Variants in IKZF1 observed in about 807,000 individuals in gnomAD.
IKZF1 encodes the protein DNA-binding protein Ikaros.
A neutral mutation model predicts 51.7 loss-of-function variants in IKZF1; 10 were observed. The ratio of observed to expected loss-of-function variants is 0.19; its 90% CI spans 0.12 to 0.33. The LOEUF (loss-of-function observed/expected upper bound fraction) is 0.33, where lower values mean the gene tolerates loss of function less well. IKZF1 is among the 10% of genes least tolerant of loss of function. The pLI, the probability that IKZF1 is intolerant of heterozygous loss-of-function variation, is 1.00. For missense variants in IKZF1, 484 were observed against 707.5 expected, an observed-to-expected ratio of 0.68 and a Z score of 3.58; for synonymous variants, 280 against 282.3, an observed-to-expected ratio of 0.99 and a Z score of 0.08.
At position 50,339,215 on chromosome 7, in the gene IKZF1, TTGTGTGTGTGTGTGTGTG is replaced by T. The variant is rs1158908841; in HGVS notation, c.160+11484_160+11501del. ...AAAGGAGGAATTCTTTTGGGTAGGG[TTGTGTGTGTGTGTGTGTG>T]TGTGTGTGTGTGTGTGTGTGTGTGT... is the stretch of plus-strand genomic sequence containing the variant. On this transcript the variant is annotated intron_variant, in intron 3 of 7. Coordinates refer to ENST00000331340, the MANE Select transcript of IKZF1 (RefSeq NM_006060.6). 4.7e-5 allele frequency among the ~76,000 whole-genome samples: 6 copies of T among 126,480 alleles called. 1 individual carries two copies. Among genetic ancestry groups the T allele is most frequent in the African/African-American group, 1.5e-4 (5 of 32,912 alleles). 83.0% of individuals were successfully genotyped at this position (126,480 alleles called of 152,430 possible).
chr7:50,308,221 T>C (rs1008559844), intron 1 of IKZF1, among the ~76,000 whole-genome samples: 3 of 152,156 alleles, frequency 2.0e-5, no homozygotes, highest in African/African-American at 7.2e-5. Context: ...AGTGGCGAAG[T>C]GCGGGCCTGC....
intron 3 of IKZF1, among the ~76,000 whole-genome samples, chr7:50,341,344 C>T (rs1204023151): frequency 6.6e-6 from 1 of 151,948 alleles, no homozygotes; most frequent in East Asian, 1.9e-4. Flanking sequence ...GGTTTCACCA[C>T]GTTGACCAGG....
intron 2 of IKZF1, among the ~76,000 whole-genome samples, chr7:50,325,528 G>A (rs186467357): frequency 1.8e-4 from 28 of 152,166 alleles, no homozygotes; most frequent in East Asian, 1.7e-3. Context: ...TAATCCCAGC[G>A]CTTGGGAGGC....
rs567342252 is a variant in IKZF1 at position 50,382,778 on chromosome 7, C to T, written c.589+71C>T. The stretch of plus-strand genomic sequence containing the variant: ...TTCCTCCACTCTGCCCGCCTGGGTC[C>T]CGGATTGTGTCCTTGCTGGCTAACC... On this transcript the variant is annotated intron_variant, in intron 5 of 7. Coordinates refer to ENST00000331340, the MANE Select transcript of IKZF1 (RefSeq NM_006060.6). The T allele has an allele frequency of 1.7e-4, 253 of 1,503,552 alleles. 1 individual carries two copies. The African/African-American group carries it at 3.2e-3, about 19-fold the overall frequency. 93.1% of individuals were successfully genotyped at this position (1,503,552 alleles called of 1,614,324 possible).
At chr7:50,327,106 A>G (rs1226167364) in intron 2 of IKZF1, among the ~76,000 whole-genome samples, 2 of 152,312 alleles carry the variant, frequency 1.3e-5, no homozygotes, top group East Asian at 3.9e-4. Context: ...TAAAATGTCT[A>G]GATATTTATA....
At chr7:50,335,056 T>A (rs1046938052) in intron 3 of IKZF1, among the ~76,000 whole-genome samples, 2 of 148,890 alleles carry the variant, frequency 1.3e-5, no homozygotes, top group African/African-American at 5.0e-5. Context: ...GTGTGTGTGG[T>A]GTGCATGTGT....
Position 50,376,524 on chromosome 7 carries a change from T to G in IKZF1, c.161-9T>G. 1 of 1,613,302 alleles carries G rather than the reference T, an allele frequency of 6.2e-7. No homozygotes were observed. Among genetic ancestry groups the G allele is most frequent in the East Asian group, 2.2e-5 (1 of 44,872 alleles). On this transcript the variant is annotated splice_polypyrimidine_tract_variant and intron_variant, in intron 3 of 7. Coordinates refer to ENST00000331340, the MANE Select transcript of IKZF1 (RefSeq NM_006060.6). This position sits in a 1 kb window ranked among gnomAD's most constrained non-coding sequence, Gnocchi z 4.5. The stretch of plus-strand genomic sequence containing the variant: ...GACACTGAGTGGCCTCCTGTATTGT[T>G]TCTTTCAGCCAGTAATGTTAAAGTA...
intron 5 of IKZF1, among the ~76,000 whole-genome samples, chr7:50,385,938 C>A (rs556808907): frequency 6.6e-6 from 1 of 152,288 alleles, no homozygotes; most frequent in South Asian, 2.1e-4. Context: ...TCATGTTGGT[C>A]TTCTTACTGT....
At chr7:50,326,036 T>C (rs921984990) in intron 2 of IKZF1, among the ~76,000 whole-genome samples, 2 of 152,252 alleles carry the variant, frequency 1.3e-5, no homozygotes, top group South Asian at 2.1e-4. Flanking sequence ...GTGATGTCTG[T>C]TTTCCAGAGA....
At chr7:50,368,738 G>A in intron 3 of IKZF1, 1 of 247,306 alleles carries the variant, frequency 4.0e-6, no homozygotes, top group Non-Finnish European at 7.8e-6. Context: ...AAAGAACAGA[G>A]AGTGCTTTTG....
chr7:50,378,733 C>T (rs1811002854), intron 4 of IKZF1, among the ~76,000 whole-genome samples: 1 of 152,242 alleles, frequency 6.6e-6, no homozygotes, highest in African/African-American at 2.4e-5. Flanking sequence ...GCCACCTGCA[C>T]ACCAATAAGC....
At chr7:50,343,474 G>A (rs1377137360) in intron 3 of IKZF1, among the ~76,000 whole-genome samples, 1 of 152,090 alleles carries the variant, frequency 6.6e-6, no homozygotes, top group African/African-American at 2.4e-5. Context: ...TAAAATAATG[G>A]TACAGCGGGG....
At position 50,315,204 on chromosome 7, in the gene IKZF1, CAGAGAGAGACTG is replaced by C. The variant is rs1791234786; in HGVS notation, c.-14-3833_-14-3822del. Among the ~76,000 whole-genome samples the C allele has an allele frequency of 2.0e-5, 3 of 152,210 alleles. No individual in the cohort carries two copies. In the Middle Eastern group the frequency reaches 0.01, roughly 518 times the overall value. ...GAAAGAGGGAGAGAAAGGAGAAGGA[CAGAGAGAGACTG>C]AGAGAGAGACAGTCTCAGACAAAGG... On this transcript the variant is annotated intron_variant, in intron 1 of 7. Coordinates refer to ENST00000331340, the MANE Select transcript of IKZF1 (RefSeq NM_006060.6).
rs575257422 is a variant in IKZF1 at position 50,321,038 on chromosome 7, G to A, written c.40+1937G>A. 1.2e-3 allele frequency among the ~76,000 whole-genome samples: 186 copies of A among 152,206 alleles called. 2 individuals are homozygous for A. The highest frequency in any genetic ancestry group is 5.6e-3 in the South Asian group (27 of 4,826). On this transcript the variant is annotated intron_variant, in intron 2 of 7. Coordinates refer to ENST00000331340, the MANE Select transcript of IKZF1 (RefSeq NM_006060.6). ...TGGATGGTATGCAAAGTATGATCTC[G>A]TTCTTTTAAAAGAAAATAAATTACA...
At position 50,404,819 on chromosome 7, in the gene IKZF1, C is replaced by T. The variant is rs1485930213; in HGVS notation, c.*4192C>T. 8 of 226,992 alleles carry T rather than the reference C, an allele frequency of 3.5e-5. No individual in the cohort carries two copies. Among genetic ancestry groups the T allele is most frequent in the Non-Finnish European group, 7.0e-5 (8 of 114,212 alleles). 14.1% of individuals were successfully genotyped at this position (226,992 alleles called of 1,614,324 possible). A position where few individuals can be genotyped will look rare whatever the true frequency, so the allele number is the denominator to read the frequency against. ...CTTTTACATAGTCATAAGAATTATC[C>T]TCAACATAGCCTTTTGACGCTGTAA... On this transcript the variant is annotated 3_prime_UTR_variant, in exon 8 of 8. Transcript: ENST00000331340.
At chr7:50,330,753 T>A (rs1254174307) in intron 3 of IKZF1, among the ~76,000 whole-genome samples, 1 of 152,196 alleles carries the variant, frequency 6.6e-6, no homozygotes, top group Non-Finnish European at 1.5e-5. Flanking sequence ...GGTACCATAT[T>A]TCATCACATT....
At chr7:50,338,755 C>G (rs1774631504) in intron 3 of IKZF1, among the ~76,000 whole-genome samples, 1 of 152,194 alleles carries the variant, frequency 6.6e-6, no homozygotes, top group Non-Finnish European at 1.5e-5. Flanking sequence ...AGGAAGCTGC[C>G]CTACCAAGCC....
intron 3 of IKZF1, among the ~76,000 whole-genome samples, chr7:50,357,966 G>A (rs1228964740): frequency 4.6e-5 from 7 of 152,178 alleles, no homozygotes; most frequent in Non-Finnish European, 2.9e-5. Flanking sequence ...TCACAGGGCT[G>A]CTTCAAGGGT....
rs1039338788 is a variant in IKZF1, at chr7:50,389,367, C to T, written c.715+1897C>T. On this transcript the variant is annotated intron_variant, in intron 6 of 7. Coordinates refer to ENST00000331340, the MANE Select transcript of IKZF1 (RefSeq NM_006060.6). The stretch of plus-strand genomic sequence containing the variant: ...ATTGGTCTCTATGTCAGTAAGGCTA[C>T]GTGCCAGTAATGTGTATTAAATATT... Among the ~76,000 whole-genome samples, 12 of 151,172 alleles carry T rather than the reference C, an allele frequency of 7.9e-5. 1 individual carries two copies. Among genetic ancestry groups the T allele is most frequent in the Admixed American group, 6.5e-4 (10 of 15,282 alleles).
Sources: allele counts gnomAD v4.1 joint callset (sites outside exome capture counted in the v4.1 genomes callset), GRCh38; gene constraint gnomAD v4.1.1; non-coding constraint Gnocchi (gnomAD v3.1); transcripts MANE v1.5; gene names NCBI Gene and HGNC (gene_info 2026-07-23, HGNC 2026-07-21).